Variants in TRPM7 observed in about 807,000 individuals in gnomAD.
TRPM7 encodes transient receptor potential cation channel subfamily M member 7.
A neutral mutation model predicts 229.7 loss-of-function variants in TRPM7; 134 were observed. The ratio of observed to expected loss-of-function variants is 0.58; its 90% CI spans 0.51 to 0.67. The LOEUF is 0.67. TRPM7 is among the 30% of genes least tolerant of loss of function. The pLI is 0.00. For missense variants in TRPM7, 1,901 were observed against 2,210.0 expected, an observed-to-expected ratio of 0.86 and a Z score of 2.80; for synonymous variants, 699 against 715.2, an observed-to-expected ratio of 0.98 and a Z score of 0.36.
At chr15:50,635,689 AAAG>A (rs1567053229) in intron 7 of TRPM7, among the ~76,000 whole-genome samples, 1 of 67,356 alleles carries the variant, frequency 1.5e-5, no homozygotes, top group Non-Finnish European at 4.1e-5. Context: ...AAAAAAAAAA[AAAG>A]AGGACGGCTG....
chr15:50,653,107 G>A (rs1217781330), intron 3 of TRPM7, among the ~76,000 whole-genome samples: 1 of 152,118 alleles, frequency 6.6e-6, no homozygotes, highest in African/African-American at 2.4e-5. Flanking sequence ...CTGTGACACT[G>A]CACTCCAGTC....
intron 2 of TRPM7, among the ~76,000 whole-genome samples, chr15:50,660,579 CG>C (rs1194142745): frequency 2.6e-5 from 4 of 152,106 alleles, no homozygotes; most frequent in African/African-American, 7.2e-5. Context: ...CGCTTGAACC[CG>C]GAAGGCAGAC....
At chr15:50,665,411 T>A (rs962718113) in intron 1 of TRPM7, among the ~76,000 whole-genome samples, 7 of 149,296 alleles carry the variant, frequency 4.7e-5, no homozygotes, top group Non-Finnish European at 8.9e-5. Context: ...AAAAAAAAAA[T>A]TGATCATGTG....
intron 4 of TRPM7, among the ~76,000 whole-genome samples, chr15:50,645,373 T>A (rs2061233062): frequency 6.6e-6 from 1 of 152,082 alleles, no homozygotes; most frequent in African/African-American, 2.4e-5. Flanking sequence ...TTTGTTCTTT[T>A]TTTTTTGACA....
Position 50,575,705 on chromosome 15 carries a change from C to G in TRPM7, c.4735+19G>C. On this transcript the variant is annotated intron_variant, in intron 33 of 38. Coordinates refer to ENST00000646667, the MANE Select transcript of TRPM7 (RefSeq NM_017672.6). Reference sequence around the variant, plus strand: ...AGGGTTAATTTTCACTTATTTATTTCTTTAATTTTTGGATTTACCTCTTGG... The same window carrying G: ...AGGGTTAATTTTCACTTATTTATTTGTTTAATTTTTGGATTTACCTCTTGG... The G allele has an allele frequency of 6.2e-7, 1 of 1,600,440 alleles. No individual in the cohort carries two copies. The highest frequency in any genetic ancestry group is 8.5e-7 in the Non-Finnish European group (1 of 1,173,104).
rs1419651480 is a variant in TRPM7, at chr15:50,606,152, G to A, written c.2710-1008C>T. Among the ~76,000 whole-genome samples the A allele has an allele frequency of 3.3e-5, 5 of 152,268 alleles. No individual in the cohort carries two copies. The East Asian group carries it at 5.8e-4, about 18-fold the overall frequency. ...TCCTAGCACTTCGGGAGACAAAGGC[G>A]GGCGGATCATGAGGTCAGGAGTTCA... On this transcript the variant is annotated intron_variant, in intron 20 of 38. Coordinates refer to ENST00000646667, the MANE Select transcript of TRPM7 (RefSeq NM_017672.6).
rs1054104690 is a variant in TRPM7 at position 50,558,742 on chromosome 15, A to G, written c.*2936T>C. 6.6e-6 allele frequency: 1 copy of G among 151,904 alleles called. No homozygotes were observed. The highest frequency in any genetic ancestry group is 1.5e-5 in the Non-Finnish European group (1 of 68,000). 9.4% of individuals were successfully genotyped at this position (151,904 alleles called of 1,614,324 possible). A position where few individuals can be genotyped will look rare whatever the true frequency, so the allele number is the denominator to read the frequency against. On this transcript the variant is annotated 3_prime_UTR_variant, in exon 39 of 39. Transcript: ENST00000646667. Reference sequence around the variant, plus strand: ...GAAAAATAAAAAAATATATATATAAAATTAGGTACGTGTGGTGGTGCATGC... The same window carrying G: ...GAAAAATAAAAAAATATATATATAAGATTAGGTACGTGTGGTGGTGCATGC...
At chr15:50,629,680 T>A (rs78481578) in intron 10 of TRPM7, among the ~76,000 whole-genome samples, 4,529 of 152,132 alleles carry the variant, frequency 0.03, 248 homozygotes, top group African/African-American at 0.1. Context: ...CTCTTTTTGA[T>A]CCCTCTACTT....
At position 50,592,311 on chromosome 15, in the gene TRPM7, T is replaced by G; in HGVS notation, c.3924A>C (p.Glu1308Asp). Residue 1308 changes from glutamate (E) to aspartate (D), a missense_variant, in exon 26 of 39, where the codon GAA (glutamate) becomes GAC (aspartate). By Grantham distance (45) the Glu-to-Asp change is conservative. Transcript: ENST00000646667. ...LSSSLPQGDL[E>D]SNNPFHCNIL... ...TATTACAATGAAAAGGATTATTACT[T>G]TCAAGATCACCTTGAGGAAGAGAGG... is the stretch of plus-strand genomic sequence containing the variant. 3 of 1,613,950 alleles carry G rather than the reference T, an allele frequency of 1.9e-6. No homozygotes were observed. The highest frequency in any genetic ancestry group is 2.5e-6 in the Non-Finnish European group (3 of 1,179,950).
At position 50,637,611 on chromosome 15, in the gene TRPM7, A is replaced by G. The variant is rs781450196; in HGVS notation, c.661-18T>C. The G allele has an allele frequency of 6.0e-5, 96 of 1,604,984 alleles. No individual in the cohort carries two copies. The highest frequency in any genetic ancestry group is 7.7e-5 in the Non-Finnish European group (91 of 1,176,084). On this transcript the variant is annotated intron_variant, in intron 6 of 38. Transcript: ENST00000646667. The stretch of plus-strand genomic sequence containing the variant: ...GCAACCACCTAAACAATAGCAAACA[A>G]AAGAGTTAGTGAGCAGGATTAAATA...
chr15:50,616,145 A>C lies in TRPM7; in HGVS notation c.1495-1882T>G. ...GAACCCACTTGAAGAAGAAATTTTT[A>C]AATTAGGTAAAATAATGTGAATTAT... On this transcript the variant is annotated intron_variant, in intron 13 of 38. Coordinates refer to ENST00000646667, the MANE Select transcript of TRPM7 (RefSeq NM_017672.6). Among the ~76,000 whole-genome samples, 3 of 152,288 alleles carry C rather than the reference A, an allele frequency of 2.0e-5. 1 individual carries two copies. The East Asian group carries it at 5.8e-4, about 29-fold the overall frequency.
chr15:50,629,801 T>C (rs1341058973), intron 10 of TRPM7, among the ~76,000 whole-genome samples: 1 of 151,448 alleles, frequency 6.6e-6, no homozygotes, highest in Non-Finnish European at 1.5e-5. Flanking sequence ...AACACAGTGG[T>C]TAATACACAG....
chr15:50,656,762 T>C (rs1466092159), intron 3 of TRPM7, among the ~76,000 whole-genome samples: 3 of 152,154 alleles, frequency 2.0e-5, no homozygotes, highest in African/African-American at 4.8e-5. Context: ...CTTCCTCTTA[T>C]ACTTCCTCAT....
chr15:50,596,141 A>T, intron 23 of TRPM7, 114 bp downstream of exon 23: 1 of 572,246 alleles, frequency 1.7e-6, no homozygotes, highest in Non-Finnish European at 2.6e-6. Flanking sequence ...ATATAATTTT[A>T]GTAGTTTAAG....
At chr15:50,623,797 G>GAAA (rs11455584) in intron 12 of TRPM7, among the ~76,000 whole-genome samples, 1 of 142,750 alleles carries the variant, frequency 7.0e-6, no homozygotes, top group Non-Finnish European at 1.5e-5. Context: ...TGTAAAAAAA[G>GAAA]AAAAAAAAAA....
At chr15:50,602,143 T>A (rs2059798783) in intron 21 of TRPM7, among the ~76,000 whole-genome samples, 1 of 152,050 alleles carries the variant, frequency 6.6e-6, no homozygotes, top group South Asian at 2.1e-4. Context: ...CAAATGTCCG[T>A]CAATGATAGA....
chr15:50,588,326 C>T (rs1254815514), intron 27 of TRPM7: 16 of 528,744 alleles, frequency 3.0e-5, no homozygotes, highest in Non-Finnish European at 3.6e-5. Context: ...CCCAGGTAAT[C>T]ATTACACCTC....
chr15:50,595,425 G>A (rs942359247), intron 23 of TRPM7, among the ~76,000 whole-genome samples: 1 of 151,348 alleles, frequency 6.6e-6, no homozygotes, highest in Non-Finnish European at 1.5e-5. Flanking sequence ...CAATCTAATT[G>A]ACCAATACAA....
intron 28 of TRPM7, 26 bp downstream of exon 28, chr15:50,586,366 A>G (rs765701165): frequency 2.1e-6 from 3 of 1,401,542 alleles, no homozygotes; most frequent in East Asian, 4.6e-5. Context: ...GTTTTCTGAC[A>G]CTATTCATAT....
Sources: gnomAD v4.1 joint callset for allele counts (sites outside exome capture counted in the v4.1 genomes callset) on GRCh38, gnomAD v4.1.1 for gene constraint, MANE v1.5 for transcripts, NCBI Gene and HGNC (gene_info 2026-07-23, HGNC 2026-07-21) for gene names.